The following KRT8 variants were observed in gnomAD, a reference collection of about 807,000 sequenced individuals.
The protein encoded by KRT8 is keratin 8, also known as keratin, type II cytoskeletal 8.
KRT8 carries 24 observed loss-of-function variants against 43.0 expected under a neutral mutation model. The observed-to-expected ratio is 0.56, with a 90% CI of 0.40 to 0.78. KRT8 has a LOEUF of 0.78. KRT8 is among the 30% of genes least tolerant of loss of function. The probability of loss-of-function intolerance (pLI) is 0.00; values close to 1 mark genes in which losing one functional copy is unlikely to be tolerated. For missense variants in KRT8, 492 were observed against 638.4 expected (o/e 0.77, Z 2.47); for synonymous variants, 214 against 261.2 (o/e 0.82, Z 1.74).
At chr12:52,907,108 G>A, upstream of KRT8, 1 of 231,996 alleles carries the variant, frequency 4.3e-6, no homozygotes, top group Non-Finnish European at 8.6e-6. Flanking sequence ...CCCAGGCCCT[G>A]CCTCCTGCTA....
intron 2 of KRT8, among the ~76,000 whole-genome samples, chr12:52,916,902 C>T (rs896277588): frequency 3.3e-5 from 5 of 152,080 alleles, no homozygotes; most frequent in South Asian, 2.1e-4. Flanking sequence ...TGAGACATAG[C>T]GCAGGAGCTG....
chr12:52,927,876 C>T (rs1447269139), intron 2 of KRT8, among the ~76,000 whole-genome samples: 5 of 152,102 alleles, frequency 3.3e-5, no homozygotes, highest in Non-Finnish European at 4.4e-5. Context: ...GTCAGGAGTT[C>T]GAAATCAGCC....
At chr12:52,940,759 G>C (rs1942254886) in intron 2 of KRT8, among the ~76,000 whole-genome samples, 1 of 151,330 alleles carries the variant, frequency 6.6e-6, no homozygotes, top group African/African-American at 2.4e-5. Context: ...CTGAGTAGCT[G>C]GGACTACAGG....
chr12:52,926,332 G>GCCCCACCCCCC, intron 2 of KRT8: 1 of 600,278 alleles, frequency 1.7e-6, no homozygotes, highest in Non-Finnish European at 3.0e-6. Context: ...GGCACTAGCT[G>GCCCCACCCCCC]CCCTCCCCAC....
intron 2 of KRT8, among the ~76,000 whole-genome samples, chr12:52,917,018 C>G (rs1193232679): frequency 6.6e-6 from 1 of 152,108 alleles, no homozygotes; most frequent in Non-Finnish European, 1.5e-5. Flanking sequence ...ATAACCAGCA[C>G]CAATAGGAAG....
intron 2 of KRT8, among the ~76,000 whole-genome samples, chr12:52,923,189 T>G (rs1443160022): frequency 1.3e-5 from 2 of 152,222 alleles, no homozygotes; most frequent in African/African-American, 4.8e-5. Flanking sequence ...TGATGAAAAT[T>G]AAATGAAATT....
chr12:52,900,815 C>T, intron 3 of KRT8, 132 bp from the exon 4 acceptor site: 1 of 699,774 alleles, frequency 1.4e-6, no homozygotes, highest in Non-Finnish European at 2.6e-6. Flanking sequence ...ATCTTCCAGC[C>T]CAGCCTCTGC....
chr12:52,934,917 C>T (rs950542946), intron 2 of KRT8, among the ~76,000 whole-genome samples: 3 of 151,362 alleles, frequency 2.0e-5, no homozygotes, highest in Non-Finnish European at 2.9e-5. Flanking sequence ...TGCAGTGAGC[C>T]GAGGTCGCAC....
At chr12:52,900,280 C>A (rs183804276) in intron 4 of KRT8, among the ~76,000 whole-genome samples, 2 of 152,156 alleles carry the variant, frequency 1.3e-5, no homozygotes, top group African/African-American at 4.8e-5. Flanking sequence ...AGATTAGGAA[C>A]AAGGGCTTTG....
chr12:52,899,915 T>C (rs1404220424), exon 5 of KRT8: 4 of 1,613,202 alleles, frequency 2.5e-6, no homozygotes, highest in East Asian at 2.2e-5. Flanking sequence ...ATCTGGTACA[T>C]GCTCTCAGCC....
At chr12:52,924,733 C>T (rs1941957286) in intron 2 of KRT8, among the ~76,000 whole-genome samples, 1 of 152,128 alleles carries the variant, frequency 6.6e-6, no homozygotes, top group Admixed American at 6.6e-5. Context: ...TGGGAAAAGA[C>T]CATGCACTCT....
chr12:52,930,797 C>A (rs1942070452), intron 2 of KRT8, among the ~76,000 whole-genome samples: 1 of 151,914 alleles, frequency 6.6e-6, no homozygotes, highest in South Asian at 2.1e-4. Context: ...TGGGCTCAAG[C>A]AATCCTCCCA....
upstream of KRT8, among the ~76,000 whole-genome samples, chr12:52,908,853 A>C (rs180870867): frequency 6.6e-6 from 1 of 152,258 alleles, no homozygotes; most frequent in East Asian, 1.9e-4. Context: ...AAAAAATACA[A>C]AAATTAGCCA....
chr12:52,911,361 A>AC (rs1325110152), upstream of KRT8, among the ~76,000 whole-genome samples: 2 of 151,886 alleles, frequency 1.3e-5, no homozygotes, highest in Non-Finnish European at 2.9e-5. Flanking sequence ...CAAAAAAAAA[A>AC]GAAAAGTGGC....
rs150583590 is a variant in KRT8 at position 52,898,265 on chromosome 12, T to G, written c.1261+196A>C. Reference sequence around the variant, plus strand: ...ACAGCTATGGTTTATTTGGGTGCTTTCTAATAGTAAAGTTACTAAGTAATA... The same window carrying G: ...ACAGCTATGGTTTATTTGGGTGCTTGCTAATAGTAAAGTTACTAAGTAATA... On this transcript the variant is annotated intron_variant, in intron 7 of 7. Coordinates refer to ENST00000692008, the Ensembl canonical transcript of KRT8. Among the ~76,000 whole-genome samples the G allele has an allele frequency of 4.3e-3, 648 of 152,326 alleles. 5 individuals are homozygous for G. Among genetic ancestry groups the G allele is most frequent in the African/African-American group, 0.015 (637 of 41,556 alleles).
At chr12:52,902,009 TCTG>T (rs1317149363) in exon 2 of KRT8, 1 of 1,603,312 alleles carries the variant, frequency 6.2e-7, no homozygotes, top group African/African-American at 1.3e-5. Context: ...CGAGCCGTCT[TCTG>T]CTGCTGCAGG....
chr12:52,912,799 C>G (rs570799367), intron 2 of KRT8, among the ~76,000 whole-genome samples: 55 of 152,326 alleles, frequency 3.6e-4, no homozygotes, highest in Non-Finnish European at 8.8e-5. Flanking sequence ...ATGAAAGGGT[C>G]TGCTGAAGAG....
chr12:52,937,799 C>A (rs1271023073), intron 2 of KRT8, among the ~76,000 whole-genome samples: 7 of 151,330 alleles, frequency 4.6e-5, no homozygotes, highest in African/African-American at 1.7e-4. Flanking sequence ...GAGTTTGAGA[C>A]CAGCCTGGCC....
At chr12:52,939,977 A>C (rs1350618434) in intron 2 of KRT8, among the ~76,000 whole-genome samples, 1 of 152,140 alleles carries the variant, frequency 6.6e-6, no homozygotes, top group Non-Finnish European at 1.5e-5. Context: ...ACTAAGAACA[A>C]AATAAATATT....
Sources: allele counts gnomAD v4.1 joint callset (sites outside exome capture counted in the v4.1 genomes callset), GRCh38; gene constraint gnomAD v4.1.1; transcripts MANE v1.5; gene names NCBI Gene and HGNC (gene_info 2026-07-23, HGNC 2026-07-21).